Variants in EBF1 observed in about 807,000 individuals in gnomAD.
The protein encoded by EBF1 is transcription factor COE1.
EBF1 carries 10 observed loss-of-function variants against 68.4 expected under a neutral mutation model. That is an observed-to-expected ratio of 0.15 (90% CI 0.09 to 0.25). The LOEUF is 0.25. EBF1 is among the 10% of genes least tolerant of loss of function. The pLI is 1.00. For synonymous variants in EBF1, 298 were observed against 299.8 expected (o/e 0.99, Z 0.06); for missense variants, 509 against 794.4 (o/e 0.64, Z 4.32).
intron 6 of EBF1, among the ~76,000 whole-genome samples, chr5:158,908,077 T>C (rs1299915322): frequency 6.6e-6 from 1 of 151,902 alleles, no homozygotes; most frequent in Admixed American, 6.6e-5. Flanking sequence ...TGAGCTGGAG[T>C]TTGGCAACTG....
At chr5:158,941,117 C>A in intron 6 of EBF1, 1 of 447,496 alleles carries the variant, frequency 2.2e-6, no homozygotes, top group Non-Finnish European at 4.5e-6. Flanking sequence ...TTGGGGTGGA[C>A]AGAAAAAAGA....
At chr5:158,753,978 C>T (rs1194821916) in intron 10 of EBF1, among the ~76,000 whole-genome samples, 3 of 151,458 alleles carry the variant, frequency 2.0e-5, no homozygotes, top group Non-Finnish European at 4.4e-5. Flanking sequence ...ATAGTATTTG[C>T]TAATTTTTTT....
intron 6 of EBF1, among the ~76,000 whole-genome samples, chr5:159,066,234 T>C (rs1268486507): frequency 6.6e-6 from 1 of 152,156 alleles, no homozygotes; most frequent in Non-Finnish European, 1.5e-5. Context: ...TACTTTATAT[T>C]ATATTACAAA....
At position 158,880,912 on chromosome 5, in the gene EBF1, C is replaced by T. The variant is rs147945414; in HGVS notation, c.555-40802G>A. ...TCACTAAGGTGGAAATGTCATTCAC[C>T]CAGGAGGTTATTGATTAAAATAAAG... On this transcript the variant is annotated intron_variant, in intron 6 of 15. Coordinates refer to ENST00000313708, the MANE Select transcript of EBF1 (RefSeq NM_024007.5). Among the ~76,000 whole-genome samples the T allele has an allele frequency of 1.4e-4, 21 of 152,198 alleles. 1 individual carries two copies. The East Asian group carries it at 4.0e-3, about 29-fold the overall frequency.
chr5:158,708,713 T>C (rs1401429344), intron 14 of EBF1, among the ~76,000 whole-genome samples: 1 of 152,094 alleles, frequency 6.6e-6, no homozygotes, highest in Non-Finnish European at 1.5e-5. Flanking sequence ...AGGTAGAGCC[T>C]AAACTAAAGT....
At chr5:158,942,738 A>G (rs193294778) in intron 6 of EBF1, among the ~76,000 whole-genome samples, 154 of 152,048 alleles carry the variant, frequency 1.0e-3, no homozygotes, top group African/African-American at 3.6e-3. Context: ...GCTGGAATAG[A>G]GTGGCCATCT....
chr5:158,771,223 CACTT>C (rs1390426618), intron 10 of EBF1, among the ~76,000 whole-genome samples: 2 of 152,142 alleles, frequency 1.3e-5, no homozygotes, highest in Admixed American at 1.3e-4. Context: ...CTGCTTTTCT[CACTT>C]ACTTTTGGGG....
intron 8 of EBF1, among the ~76,000 whole-genome samples, chr5:158,816,945 T>G (rs1009418255): frequency 6.6e-6 from 1 of 152,058 alleles, no homozygotes; most frequent in African/African-American, 2.4e-5. Flanking sequence ...AAGAGCAAAG[T>G]TATAAGTAGG....
At chr5:158,767,085 A>G (rs1248770101) in intron 10 of EBF1, among the ~76,000 whole-genome samples, 2 of 152,170 alleles carry the variant, frequency 1.3e-5, no homozygotes, top group African/African-American at 2.4e-5. Context: ...CACATCTTAA[A>G]GATTAAAGCC....
Position 158,939,558 on chromosome 5 carries a change from G to T in EBF1, c.555-99448C>A, listed in dbSNP as rs540311756. ...AATTTAGTTAAAAGGGAAGCTATTT[G>T]GTATCTTGAATGTCAAGTTTGGGTT... On this transcript the variant is annotated intron_variant, in intron 6 of 15. Transcript: ENST00000313708. 9.8e-5 allele frequency among the ~76,000 whole-genome samples: 15 copies of T among 152,290 alleles called. 1 individual carries two copies. In the South Asian group the frequency reaches 3.1e-3, roughly 32 times the overall value.
chr5:158,731,341 G>C (rs922103670), intron 10 of EBF1, among the ~76,000 whole-genome samples, 184 bp from the exon 11 acceptor site: 2 of 152,170 alleles, frequency 1.3e-5, no homozygotes, highest in Non-Finnish European at 2.9e-5. Context: ...TTTATACCAC[G>C]GTGGGGAGTG....
At chr5:158,754,439 C>G (rs776312901) in intron 10 of EBF1, among the ~76,000 whole-genome samples, 1 of 152,082 alleles carries the variant, frequency 6.6e-6, no homozygotes, top group Non-Finnish European at 1.5e-5. Flanking sequence ...GCAGCCTGAT[C>G]GCCACGATGT....
chr5:158,861,783 C>T (rs1795002555), intron 6 of EBF1, among the ~76,000 whole-genome samples: 2 of 151,744 alleles, frequency 1.3e-5, no homozygotes. Flanking sequence ...CTTTAAAATT[C>T]CAAGTGGCAT....
chr5:158,736,935 G>T (rs1256585894), intron 10 of EBF1, among the ~76,000 whole-genome samples: 8 of 152,192 alleles, frequency 5.3e-5, no homozygotes, highest in Non-Finnish European at 1.2e-4. Flanking sequence ...TGCATTTCCA[G>T]CCATTTGGAT....
intron 6 of EBF1, among the ~76,000 whole-genome samples, chr5:158,980,225 A>G (rs2127583305): frequency 6.6e-6 from 1 of 152,338 alleles, no homozygotes; most frequent in South Asian, 2.1e-4. Flanking sequence ...CTCATATGTC[A>G]ACAGAGAAGA....
chr5:159,022,808 C>T (rs1322318777), intron 6 of EBF1, among the ~76,000 whole-genome samples: 4 of 151,404 alleles, frequency 2.6e-5, no homozygotes, highest in South Asian at 2.1e-4. Context: ...GAGAGACAAA[C>T]GGACAGATGG....
intron 8 of EBF1, among the ~76,000 whole-genome samples, chr5:158,807,100 T>G (rs1037991825): frequency 6.6e-6 from 1 of 152,156 alleles, no homozygotes; most frequent in Non-Finnish European, 1.5e-5. Context: ...GGAAGTTCAA[T>G]TGGATACCGC....
intron 6 of EBF1, among the ~76,000 whole-genome samples, chr5:158,864,528 T>C (rs992084958): frequency 1.3e-5 from 2 of 152,094 alleles, no homozygotes; most frequent in African/African-American, 4.8e-5. Flanking sequence ...ATGCCTGTTC[T>C]GGTTGCTGGA....
chr5:158,777,424 A>T lies in EBF1; in HGVS notation c.1025T>A (p.Phe342Tyr). 1 of 1,611,514 alleles carries T rather than the reference A, an allele frequency of 6.2e-7. No individual in the cohort carries two copies. Among genetic ancestry groups the T allele is most frequent in the Non-Finnish European group, 8.5e-7 (1 of 1,178,580 alleles). Residue 342 changes from phenylalanine (F) to tyrosine (Y), a missense_variant, in exon 10 of 16, where the codon TTC becomes TAC. By Grantham distance (22) the Phe-to-Tyr change is conservative. This residue lies in a region of EBF1 where 230 missense variants were observed against 467.7 expected (regional missense o/e 0.49). Transcript: ENST00000313708. ...KQFCKGTPGR[F>Y]IYTALNEPTI... ...GCTGTGGTTCTTACCTGTATAAATG[A>T]ATCTGCCTGGTGTTCCTTTGCAGAA...
Sources: allele counts gnomAD v4.1 joint callset (sites outside exome capture counted in the v4.1 genomes callset), GRCh38; gene constraint gnomAD v4.1.1; regional missense constraint gnomAD v4.1.1; transcripts MANE v1.5; gene names NCBI Gene and HGNC (gene_info 2026-07-23, HGNC 2026-07-21).